KIF26B: variants seen among roughly 807,000 people sequenced by gnomAD.
KIF26B encodes kinesin family member 26B, also known as kinesin-like protein KIF26B.
In KIF26B, 63 loss-of-function variants were observed where a neutral mutation model predicts 151.2. The ratio of observed to expected loss-of-function variants is 0.42; its 90% confidence interval spans 0.34 to 0.51. The LOEUF (loss-of-function observed/expected upper bound fraction) is 0.51, where lower values mean the gene tolerates loss of function less well. Ranked by LOEUF, KIF26B falls within the 20% of genes least tolerant of loss-of-function variation. KIF26B has a pLI of 0.07. For synonymous variants in KIF26B, 1,357 were observed against 1,262.1 expected (o/e 1.08, Z -1.59); for missense variants, 2,813 against 2,913.6 (o/e 0.97, Z 0.79).
At chr1:245,204,865 C>T (rs189694179) in intron 2 of KIF26B, among the ~76,000 whole-genome samples, 97 of 152,222 alleles carry the variant, frequency 6.4e-4, no homozygotes, top group African/African-American at 2.1e-3. Context: ...ACTGCAGCGT[C>T]GAACTCCTCA....
intron 10 of KIF26B, among the ~76,000 whole-genome samples, chr1:245,673,334 G>C (rs2044317394): frequency 7.4e-6 from 1 of 134,590 alleles, no homozygotes; most frequent in Non-Finnish European, 1.6e-5. Context: ...GCCATCTTAG[G>C]CCCAGTCCCC....
rs146872566 is a variant in KIF26B at position 245,404,614 on chromosome 1, C to T, written c.1000-14965C>T. Among the ~76,000 whole-genome samples the T allele has an allele frequency of 7.9e-4, 121 of 152,278 alleles. 1 individual carries two copies. Among genetic ancestry groups the T allele is most frequent in the African/African-American group, 2.8e-3 (115 of 41,556 alleles). On this transcript the variant is annotated intron_variant, in intron 3 of 14. Coordinates refer to ENST00000407071, the MANE Select transcript of KIF26B (RefSeq NM_018012.4). ...GCAGAATAGAAGAGAAAACCAGCGT[C>T]TTAAATGAACAGAGGAGAAATTTGA...
chr1:245,321,125 C>G lies in KIF26B; in HGVS notation c.466-45709C>G, dbSNP rs182358210. 2.6e-5 allele frequency among the ~76,000 whole-genome samples: 4 copies of G among 152,322 alleles called. No homozygotes were observed. In the East Asian group the frequency reaches 7.7e-4, roughly 29 times the overall value. On this transcript the variant is annotated intron_variant, in intron 2 of 14. Coordinates refer to ENST00000407071, the MANE Select transcript of KIF26B (RefSeq NM_018012.4). ...TATCACACAGAGTCGTTTCACTACC[C>G]TAAAGCCCCCTGTTCTCTCTCTATT...
rs112269180 is a variant in KIF26B, at chr1:245,344,217, T to TTCTC, written c.466-22615_466-22612dup. Reference sequence around the variant, plus strand: ...TTCCTTTTCTTTTTTCTCTCCCTGTTTCTCTGTCTCTCCTCCCTTCCTCCC... The same window carrying TTCTC: ...TTCCTTTTCTTTTTTCTCTCCCTGTTTCTCTCTCTGTCTCTCCTCCCTTCCTCCC... On this transcript the variant is annotated intron_variant, in intron 2 of 14. Coordinates refer to ENST00000407071, the MANE Select transcript of KIF26B (RefSeq NM_018012.4). 5.9e-3 allele frequency among the ~76,000 whole-genome samples: 893 copies of TTCTC among 152,048 alleles called. 7 individuals carry two copies. The highest frequency in any genetic ancestry group is 0.02 in the African/African-American group (824 of 41,476).
In KIF26B at chr1:245,698,368, G is replaced by GC; in HGVS notation, c.6027+61dup. ...GGTGGCAGCTCCCCACCAAGCCTGA[G>GC]CAGGTGCTAGGCAGGGCCCTGGGGA... On this transcript the variant is annotated intron_variant, in intron 13 of 14. Transcript: ENST00000407071. This position sits in a 1 kb window ranked among gnomAD's most constrained non-coding sequence, Gnocchi z 4.0. 2 of 1,490,030 alleles carry GC rather than the reference G, an allele frequency of 1.3e-6. No homozygotes were observed. Among genetic ancestry groups the GC allele is most frequent in the East Asian group, 4.6e-5 (2 of 43,642 alleles). 92.3% of individuals were successfully genotyped at this position (1,490,030 alleles called of 1,614,324 possible). A position where few individuals can be genotyped will look rare whatever the true frequency, so the allele number is the denominator to read the frequency against.
chr1:245,317,608 T>C lies in KIF26B; in HGVS notation c.466-49226T>C, dbSNP rs79216411. Among the ~76,000 whole-genome samples the C allele has an allele frequency of 8.7e-3, 1,331 of 152,324 alleles. 17 individuals are homozygous for C. Among genetic ancestry groups the C allele is most frequent in the African/African-American group, 0.029 (1,201 of 41,558 alleles). On this transcript the variant is annotated intron_variant, in intron 2 of 14. Coordinates refer to ENST00000407071, the MANE Select transcript of KIF26B (RefSeq NM_018012.4). Reference sequence around the variant, plus strand: ...GAAAAGCACAAAGCTACTGAATGCCTCTGGCTTGGCCGCCAAAGAGAATTG... The same window carrying C: ...GAAAAGCACAAAGCTACTGAATGCCCCTGGCTTGGCCGCCAAAGAGAATTG...
intron 2 of KIF26B, among the ~76,000 whole-genome samples, chr1:245,173,885 C>T (rs1369674007): frequency 1.3e-5 from 2 of 152,242 alleles, no homozygotes; most frequent in Middle Eastern, 3.2e-3. Context: ...GGGCCAGACC[C>T]ACGCTGCTCT....
intron 4 of KIF26B, among the ~76,000 whole-genome samples, chr1:245,498,817 A>C (rs1319307917): frequency 6.6e-6 from 1 of 152,188 alleles, no homozygotes. Flanking sequence ...AAGAGGAGGC[A>C]ACGAGGCTAG....
chr1:245,241,295 C>T lies in KIF26B; in HGVS notation c.465+84612C>T, dbSNP rs953175339. ...ACCACGAAGCCAGAGGGTGCCCCGA[C>T]AGAGGAAAAGCGGCCGGTGGGTTTT... On this transcript the variant is annotated intron_variant, in intron 2 of 14. Coordinates refer to ENST00000407071, the MANE Select transcript of KIF26B (RefSeq NM_018012.4). This position sits in a 1 kb window ranked among gnomAD's most constrained non-coding sequence, Gnocchi z 5.0. Among the ~76,000 whole-genome samples the T allele has an allele frequency of 6.6e-6, 1 of 152,072 alleles. No individual in the cohort carries two copies. Among genetic ancestry groups the T allele is most frequent in the Non-Finnish European group, 1.5e-5 (1 of 68,006 alleles).
At chr1:245,321,182 C>T (rs1186483722) in intron 2 of KIF26B, among the ~76,000 whole-genome samples, 3 of 152,232 alleles carry the variant, frequency 2.0e-5, no homozygotes, top group Non-Finnish European at 4.4e-5. Flanking sequence ...TCATCCCTGG[C>T]AGCCAGTGGT....
intron 12 of KIF26B, among the ~76,000 whole-genome samples, chr1:245,693,386 G>A (rs1309302241): frequency 6.6e-6 from 1 of 152,224 alleles, no homozygotes; most frequent in Non-Finnish European, 1.5e-5. Context: ...CCAGCACTGG[G>A]CTGGTGCAGG....
At chr1:245,674,152 G>A (rs2147943670) in intron 10 of KIF26B, among the ~76,000 whole-genome samples, 1 of 152,304 alleles carries the variant, frequency 6.6e-6, no homozygotes, top group African/African-American at 2.4e-5. Context: ...TGGTTATAAT[G>A]CAACATAACT....
At chr1:245,408,993 C>T (rs1674208110) in intron 3 of KIF26B, among the ~76,000 whole-genome samples, 3 of 152,134 alleles carry the variant, frequency 2.0e-5, no homozygotes, top group South Asian at 4.2e-4. Flanking sequence ...TCTATGAGCC[C>T]ACCTGTTTCA....
At chr1:245,188,789 T>G (rs138178455) in intron 2 of KIF26B, among the ~76,000 whole-genome samples, 102 of 152,316 alleles carry the variant, frequency 6.7e-4, no homozygotes, top group African/African-American at 2.4e-3. Context: ...TTATTCACAG[T>G]AGCCAAAAGG....
intron 4 of KIF26B, among the ~76,000 whole-genome samples, chr1:245,429,639 A>C (rs919942173): frequency 1.3e-5 from 2 of 152,138 alleles, no homozygotes; most frequent in Non-Finnish European, 2.9e-5. Context: ...TTTGAGTTGC[A>C]GTCTCGCTCT....
At chr1:245,647,647 G>A (rs531291799) in intron 10 of KIF26B, among the ~76,000 whole-genome samples, 1 of 152,178 alleles carries the variant, frequency 6.6e-6, no homozygotes, top group Non-Finnish European at 1.5e-5. Context: ...CAAAACCTAC[G>A]TTGCTGTTGT....
chr1:245,686,412 G>C lies in KIF26B; in HGVS notation c.3429G>C (p.Gly1143=), dbSNP rs2044520873. 6.2e-7 allele frequency: 1 copy of C among 1,613,464 alleles called. No homozygotes were observed. The highest frequency in any genetic ancestry group is 8.5e-7 in the Non-Finnish European group (1 of 1,179,888). Residue 1143 remains glycine (G), a synonymous_variant, in exon 12 of 15, where the codon GGG becomes GGC. Transcript: ENST00000407071. The surrounding 1 kb of genome is among the most constrained non-coding windows in gnomAD (Gnocchi z 5.6). ...TTTTGAAAAAATCCATGTCTGCTGG[G>C]AGCGAAGGGTTCCCGGAAACTCCTG... ...PQVLKKSMSA[G]SEGFPETPVD... is the part of the protein sequence containing the mutation.
At chr1:245,195,828 T>C (rs1011462639) in intron 2 of KIF26B, among the ~76,000 whole-genome samples, 3 of 152,168 alleles carry the variant, frequency 2.0e-5, no homozygotes, top group Non-Finnish European at 2.9e-5. Context: ...GGTAATAGGA[T>C]TGTGGTCAAA....
chr1:245,507,159 G>A (rs1191966392), intron 4 of KIF26B, among the ~76,000 whole-genome samples: 1 of 152,124 alleles, frequency 6.6e-6, no homozygotes, highest in Non-Finnish European at 1.5e-5. Context: ...CATTTTTGTT[G>A]CTTAGAAGCT....
Sources: gnomAD v4.1 joint callset for allele counts (sites outside exome capture counted in the v4.1 genomes callset) on GRCh38, gnomAD v4.1.1 for gene constraint, Gnocchi (gnomAD v3.1) non-coding constraint, MANE v1.5 for transcripts, NCBI Gene and HGNC (gene_info 2026-07-23, HGNC 2026-07-21) for gene names.